The following CNBD2 variants were observed in gnomAD, a reference collection of about 807,000 sequenced individuals.
CNBD2 encodes cyclic nucleotide binding domain containing 2.
CNBD2 carries 64 observed loss-of-function variants against 63.7 expected under a neutral mutation model. The ratio of observed to expected loss-of-function variants is 1.00; its 90% CI spans 0.82 to 1.24. The LOEUF is 1.24. CNBD2 is among the 50% of genes most tolerant of loss of function. CNBD2 has a pLI of 0.00. For missense variants in CNBD2, 691 were observed against 713.5 expected (o/e 0.97, Z 0.36); for synonymous variants, 229 against 255.4 (o/e 0.90, Z 0.99).
intron 11 of CNBD2, among the ~76,000 whole-genome samples, chr20:36,029,283 T>TTA (rs2057316284): frequency 6.6e-6 from 1 of 152,158 alleles, no homozygotes; most frequent in Admixed American, 6.5e-5. Flanking sequence ...GTTGTGAAAA[T>TTA]TAAATGAGTT....
At chr20:36,026,380 CA>C (rs911547860) in intron 11 of CNBD2, among the ~76,000 whole-genome samples, 2 of 152,146 alleles carry the variant, frequency 1.3e-5, no homozygotes, top group Non-Finnish European at 2.9e-5. Context: ...CAAGTCTTAT[CA>C]CGGGTTCCTC....
At chr20:35,968,882 C>A in intron 1 of CNBD2, 69 bp downstream of exon 1, 1 of 1,249,506 alleles carries the variant, frequency 8.0e-7, no homozygotes, top group South Asian at 1.3e-5. Context: ...TGAGGAAGGT[C>A]GATGCAGGTG....
intron 3 of CNBD2, among the ~76,000 whole-genome samples, chr20:35,979,207 C>T (rs1401091879): frequency 3.9e-5 from 6 of 152,074 alleles, no homozygotes; most frequent in Admixed American, 3.9e-4. Context: ...TCCCTTTTCC[C>T]CATCCCAGAC....
At chr20:36,002,270 G>C (rs913813327) in intron 8 of CNBD2, among the ~76,000 whole-genome samples, 3 of 152,222 alleles carry the variant, frequency 2.0e-5, no homozygotes, top group Non-Finnish European at 2.9e-5. Flanking sequence ...GGCGGTGCGC[G>C]CCTGCAATCG....
At chr20:36,002,272 C>T (rs528198202) in intron 8 of CNBD2, among the ~76,000 whole-genome samples, 2 of 152,378 alleles carry the variant, frequency 1.3e-5, no homozygotes, top group East Asian at 3.9e-4. Flanking sequence ...CGGTGCGCGC[C>T]TGCAATCGCA....
In CNBD2 at chr20:35,968,626, GGAGTGGAGTGGAGCTCTTGCCTT is replaced by G. The variant is rs2056368039; in HGVS notation, c.-135_-113del. ...TCCAGTAGCTGATGGTATGGTAGGAGGAGTGGAGTGGAGCTCTTGCCTTGTTACTGAGGAAATCTATTTGTTTC... is the reference window on the plus strand; with the variant it reads ...TCCAGTAGCTGATGGTATGGTAGGAGGTTACTGAGGAAATCTATTTGTTTC... On this transcript the variant is annotated 5_prime_UTR_variant, in exon 1 of 12. It introduces an in-frame stop codon into an upstream open reading frame of the 5' UTR. Transcript: ENST00000373973. 1 of 608,116 alleles carries G rather than the reference GGAGTGGAGTGGAGCTCTTGCCTT, an allele frequency of 1.6e-6. No homozygotes were observed. Among genetic ancestry groups the G allele is most frequent in the Non-Finnish European group, 3.0e-6 (1 of 333,902 alleles). 37.7% of individuals were successfully genotyped at this position (608,116 alleles called of 1,614,324 possible). A position where few individuals can be genotyped will look rare whatever the true frequency, so the allele number is the denominator to read the frequency against.
chr20:35,983,868 C>A, intron 4 of CNBD2, 114 bp from the exon 5 acceptor site: 1 of 1,256,282 alleles, frequency 8.0e-7, no homozygotes, highest in Non-Finnish European at 1.1e-6. Flanking sequence ...CCCTTCTGGT[C>A]CAAGTCTGTG....
At chr20:35,992,185 A>G (rs1423158781) in intron 7 of CNBD2, among the ~76,000 whole-genome samples, 1 of 152,094 alleles carries the variant, frequency 6.6e-6, no homozygotes, top group African/African-American at 2.4e-5. Context: ...CTGGCGGGGA[A>G]CTCATTTCAA....
upstream of CNBD2, among the ~76,000 whole-genome samples, chr20:35,968,035 G>C (rs139852825): frequency 6.6e-6 from 1 of 152,224 alleles, no homozygotes; most frequent in East Asian, 1.9e-4. Context: ...CAATGAATCC[G>C]GAGTCGATAC....
intron 4 of CNBD2, among the ~76,000 whole-genome samples, chr20:35,983,399 A>G (rs1231773510): frequency 3.9e-5 from 6 of 152,022 alleles, no homozygotes; most frequent in African/African-American, 1.2e-4. Flanking sequence ...GAGTTTAAGA[A>G]CTCCTTGTTC....
At chr20:35,967,949 G>C (rs986145927), upstream of CNBD2, among the ~76,000 whole-genome samples, 2 of 152,224 alleles carry the variant, frequency 1.3e-5, no homozygotes, top group Non-Finnish European at 2.9e-5. Context: ...AGGAATTCAA[G>C]GGTGAGCCAG....
In CNBD2 at chr20:36,030,342, G is replaced by T. The variant is rs200027181; in HGVS notation, c.1440-15G>T. ...GACTGGCATGAGAACCTCGGCTTCT[G>T]TGCCTGCCCTTTAGTGATGAAGATA... is the stretch of plus-strand genomic sequence containing the variant. On this transcript the variant is annotated splice_polypyrimidine_tract_variant and intron_variant, in intron 11 of 11. Transcript: ENST00000373973. 4.5e-5 allele frequency: 73 copies of T among 1,613,338 alleles called. No homozygotes were observed. In the East Asian group the frequency reaches 1.1e-3, roughly 24 times the overall value.
Position 35,975,985 on chromosome 20 carries a change from G to C in CNBD2, c.226G>C (p.Asp76His). 1 of 1,613,008 alleles carries C rather than the reference G, an allele frequency of 6.2e-7. No homozygotes were observed. The highest frequency in any genetic ancestry group is 8.5e-7 in the Non-Finnish European group (1 of 1,179,148). Reference protein sequence around the residue: ...MQSRVTFDTMDFIAEEGHFPP... With the variant: ...MQSRVTFDTMHFIAEEGHFPP... ...AAGCCGAGTCACATTTGATACCATGGACTTCATTGCAGAGGAGGTATGCAT... is the reference window on the plus strand; with the variant it reads ...AAGCCGAGTCACATTTGATACCATGCACTTCATTGCAGAGGAGGTATGCAT... Residue 76 changes from aspartate to histidine, a missense_variant, in exon 3 of 12, where the codon GAC becomes CAC. Physicochemically the swap from Asp to His is moderately conservative, Grantham distance 81 (BLOSUM62 -1). Transcript: ENST00000373973.
chr20:36,015,802 G>A (rs1033003536), intron 10 of CNBD2, among the ~76,000 whole-genome samples: 7 of 152,170 alleles, frequency 4.6e-5, no homozygotes, highest in Non-Finnish European at 7.3e-5. Flanking sequence ...AATAAATGGA[G>A]GAGAAGAGAC....
chr20:35,981,174 G>A (rs923136776), intron 4 of CNBD2, among the ~76,000 whole-genome samples: 11 of 152,122 alleles, frequency 7.2e-5, no homozygotes, highest in Admixed American at 1.3e-4. Flanking sequence ...TTGGAGATTC[G>A]GGTTCTAGCT....
intron 2 of CNBD2, among the ~76,000 whole-genome samples, chr20:35,975,590 G>A (rs1460183565): frequency 1.3e-5 from 2 of 152,052 alleles, no homozygotes; most frequent in Non-Finnish European, 1.5e-5. Flanking sequence ...GTGAGCCACC[G>A]CGCCCAGCCT....
intron 1 of CNBD2, among the ~76,000 whole-genome samples, chr20:35,971,304 TTA>T (rs1477660365): frequency 1.3e-5 from 2 of 152,176 alleles, no homozygotes; most frequent in Non-Finnish European, 2.9e-5. Flanking sequence ...GCTGCATACT[TTA>T]TGACATATCT....
intron 9 of CNBD2, among the ~76,000 whole-genome samples, chr20:36,010,140 G>A (rs1360484785): frequency 6.6e-6 from 1 of 152,106 alleles, no homozygotes; most frequent in East Asian, 1.9e-4. Context: ...ACTCAGTGGG[G>A]ACCAGCCTAG....
chr20:36,020,264 A>G (rs192687446), intron 10 of CNBD2, among the ~76,000 whole-genome samples: 173 of 151,872 alleles, frequency 1.1e-3, no homozygotes, highest in African/African-American at 3.9e-3. Flanking sequence ...TGTATTTTTA[A>G]TAGAGATGGG....
Sources: gnomAD v4.1 joint callset for allele counts (sites outside exome capture counted in the v4.1 genomes callset) on GRCh38, gnomAD v4.1.1 for gene constraint, MANE v1.5 for transcripts, NCBI Gene and HGNC (gene_info 2026-07-23, HGNC 2026-07-21) for gene names.